GRM7: variants seen among roughly 807,000 people sequenced by gnomAD.
GRM7 encodes the protein glutamate metabotropic receptor 7, also known as metabotropic glutamate receptor 7.
A neutral mutation model predicts 84.5 loss-of-function variants in GRM7; 35 were observed. The observed-to-expected ratio is 0.41, with a 90% CI of 0.32 to 0.55. The LOEUF (loss-of-function observed/expected upper bound fraction) is 0.55, where lower values mean the gene tolerates loss of function less well. Ranked by LOEUF, GRM7 falls within the 20% of genes least tolerant of loss-of-function variation. The probability of loss-of-function intolerance (pLI) is 0.19; values close to 1 mark genes in which losing one functional copy is unlikely to be tolerated. For missense variants in GRM7, 1,003 were observed against 1,194.6 expected, an observed-to-expected ratio of 0.84 and a Z score of 2.36; for synonymous variants, 487 against 455.1, an observed-to-expected ratio of 1.07 and a Z score of -0.89.
chr3:7,238,446 C>A (rs573141938), intron 2 of GRM7, among the ~76,000 whole-genome samples: 1 of 152,228 alleles, frequency 6.6e-6, no homozygotes, highest in East Asian at 1.9e-4. Context: ...TTTCACCACT[C>A]CCCACTGTTT....
chr3:6,931,905 A>G (rs751093701), intron 1 of GRM7, among the ~76,000 whole-genome samples: 4 of 152,226 alleles, frequency 2.6e-5, no homozygotes, highest in Non-Finnish European at 4.4e-5. Context: ...TACATCTCAT[A>G]TTCTAGTGAA....
At chr3:7,238,601 A>G (rs1207355193) in intron 2 of GRM7, among the ~76,000 whole-genome samples, 3 of 152,192 alleles carry the variant, frequency 2.0e-5, no homozygotes, top group Non-Finnish European at 4.4e-5. Flanking sequence ...AAGAAACTCA[A>G]TAAATATTTG....
At chr3:7,540,358 T>A (rs1037152341) in intron 7 of GRM7, among the ~76,000 whole-genome samples, 6 of 152,048 alleles carry the variant, frequency 3.9e-5, no homozygotes, top group African/African-American at 1.4e-4. Flanking sequence ...AGTGAAGAAG[T>A]AAAATGTAGC....
intron 9 of GRM7, among the ~76,000 whole-genome samples, chr3:7,692,935 A>C (rs1309035829): frequency 6.6e-6 from 1 of 151,098 alleles, no homozygotes; most frequent in Non-Finnish European, 1.5e-5. Context: ...ACATAATCTA[A>C]CTTCAGGGCC....
intron 7 of GRM7, among the ~76,000 whole-genome samples, chr3:7,569,483 T>A (rs139655489): frequency 0.017 from 2,602 of 152,248 alleles, 66 homozygotes; most frequent in African/African-American, 0.06. Flanking sequence ...CTGGGCTCTC[T>A]GTAAAATGGA....
intron 1 of GRM7, among the ~76,000 whole-genome samples, chr3:6,977,531 C>T (rs1575090482): frequency 6.6e-6 from 1 of 152,134 alleles, no homozygotes; most frequent in African/African-American, 2.4e-5. Flanking sequence ...TTAGATTCAG[C>T]AATGCCAACC....
intron 2 of GRM7, among the ~76,000 whole-genome samples, chr3:7,202,893 T>G (rs1696112939): frequency 6.6e-6 from 1 of 152,230 alleles, no homozygotes; most frequent in Non-Finnish European, 1.5e-5. Context: ...TTTTTCAAAA[T>G]GATTCTTACT....
intron 1 of GRM7, among the ~76,000 whole-genome samples, chr3:6,994,573 TTTG>T (rs1419571199): frequency 6.6e-6 from 1 of 152,218 alleles, no homozygotes. Flanking sequence ...GAAGCTGGTT[TTTG>T]TTGTTGAATT....
chr3:7,232,239 C>G (rs528425164), intron 2 of GRM7, among the ~76,000 whole-genome samples: 1 of 151,146 alleles, frequency 6.6e-6, no homozygotes, highest in Admixed American at 6.6e-5. Context: ...TTTTTGCTCA[C>G]TCAGATCTTG....
At chr3:7,588,674 A>G (rs916413595) in intron 8 of GRM7, among the ~76,000 whole-genome samples, 2 of 152,202 alleles carry the variant, frequency 1.3e-5, no homozygotes, top group African/African-American at 2.4e-5. Flanking sequence ...AGTTCATGCC[A>G]CTACACTAGC....
At chr3:7,505,289 C>G (rs1274308748) in intron 7 of GRM7, among the ~76,000 whole-genome samples, 1 of 152,256 alleles carries the variant, frequency 6.6e-6, no homozygotes, top group East Asian at 1.9e-4. Flanking sequence ...TTCTCACAGA[C>G]TGAGTCCCTT....
chr3:7,053,611 C>T (rs1251268916), intron 1 of GRM7, among the ~76,000 whole-genome samples: 3 of 151,570 alleles, frequency 2.0e-5, no homozygotes, highest in Non-Finnish European at 4.4e-5. Context: ...GTTGTTTCAG[C>T]ATCATTTGTT....
chr3:7,275,864 G>C (rs1575110635), intron 2 of GRM7, among the ~76,000 whole-genome samples: 1 of 151,964 alleles, frequency 6.6e-6, no homozygotes, highest in African/African-American at 2.4e-5. Flanking sequence ...ATATAGCAAG[G>C]CCCCCCTGAG....
At chr3:7,350,685 A>G (rs150443766) in intron 4 of GRM7, among the ~76,000 whole-genome samples, 2 of 152,166 alleles carry the variant, frequency 1.3e-5, no homozygotes, top group African/African-American at 4.8e-5. Flanking sequence ...GATAATCCAT[A>G]ACTATATATT....
intron 4 of GRM7, among the ~76,000 whole-genome samples, chr3:7,362,896 G>C (rs983774445): frequency 6.6e-6 from 1 of 152,030 alleles, no homozygotes; most frequent in Non-Finnish European, 1.5e-5. Context: ...GCGAGGCCAG[G>C]GTGGAAGGAT....
At chr3:7,020,080 C>G (rs1695722042) in intron 1 of GRM7, among the ~76,000 whole-genome samples, 1 of 152,320 alleles carries the variant, frequency 6.6e-6, no homozygotes, top group African/African-American at 2.4e-5. Flanking sequence ...ATCTCTTGAC[C>G]TCGTGATTTG....
intron 9 of GRM7, among the ~76,000 whole-genome samples, chr3:7,699,151 T>G (rs1046777786): frequency 2.6e-5 from 4 of 152,200 alleles, no homozygotes; most frequent in Non-Finnish European, 5.9e-5. Flanking sequence ...TGGGTTACAG[T>G]CAATCCTGAC....
At chr3:6,955,649 C>T (rs930779612) in intron 1 of GRM7, among the ~76,000 whole-genome samples, 14 of 151,906 alleles carry the variant, frequency 9.2e-5, no homozygotes, top group African/African-American at 2.7e-4. Flanking sequence ...TTGAGACCAG[C>T]GTGGCCAACA....
At chr3:7,438,641 A>T (rs949496934) in intron 5 of GRM7, among the ~76,000 whole-genome samples, 3 of 152,102 alleles carry the variant, frequency 2.0e-5, no homozygotes, top group African/African-American at 7.2e-5. Flanking sequence ...AGGAGAGGCT[A>T]CCTAACACGG....
Sources: allele counts gnomAD v4.1 joint callset (sites outside exome capture counted in the v4.1 genomes callset), GRCh38; gene constraint gnomAD v4.1.1; transcripts MANE v1.5; gene names NCBI Gene and HGNC (gene_info 2026-07-23, HGNC 2026-07-21).